TRPC7: variants seen among roughly 807,000 people sequenced by gnomAD.
TRPC7 encodes the protein transient receptor potential cation channel subfamily C member 7.
A neutral mutation model predicts 90.1 loss-of-function variants in TRPC7; 42 were observed. The observed-to-expected ratio is 0.47, with a 90% CI of 0.36 to 0.60. The LOEUF (loss-of-function observed/expected upper bound fraction) is 0.60, where lower values mean the gene tolerates loss of function less well. Ranked by LOEUF, TRPC7 falls within the 20% of genes least tolerant of loss-of-function variation. The probability of loss-of-function intolerance (pLI) is 0.00; values close to 1 mark genes in which losing one functional copy is unlikely to be tolerated. For missense variants in TRPC7, 955 were observed against 1,112.3 expected, an observed-to-expected ratio of 0.86 and a Z score of 2.01; for synonymous variants, 451 against 436.3, an observed-to-expected ratio of 1.03 and a Z score of -0.42.
chr5:136,300,972 C>G (rs926854540), intron 3 of TRPC7, among the ~76,000 whole-genome samples: 10 of 152,174 alleles, frequency 6.6e-5, no homozygotes. Flanking sequence ...TAAAAAACAC[C>G]AATTGCTGTG....
chr5:136,235,859 C>A (rs1755962990), intron 7 of TRPC7, among the ~76,000 whole-genome samples: 2 of 152,178 alleles, frequency 1.3e-5, no homozygotes, highest in Non-Finnish European at 2.9e-5. Flanking sequence ...CTGTGTCAAT[C>A]ACAGGAGATG....
At chr5:136,358,161 A>T (rs1760450839) in intron 1 of TRPC7, among the ~76,000 whole-genome samples, 1 of 152,206 alleles carries the variant, frequency 6.6e-6, no homozygotes, top group African/African-American at 2.4e-5. Flanking sequence ...GAATCCTGTC[A>T]CTTTCTGATG....
chr5:136,266,847 C>T (rs946309412), intron 4 of TRPC7, among the ~76,000 whole-genome samples: 1 of 152,168 alleles, frequency 6.6e-6, no homozygotes, highest in African/African-American at 2.4e-5. Context: ...GGTATTTGTT[C>T]TCAACCTTTC....
chr5:136,232,119 A>G (rs1755837153), intron 7 of TRPC7, among the ~76,000 whole-genome samples: 1 of 152,180 alleles, frequency 6.6e-6, no homozygotes, highest in African/African-American at 2.4e-5. Context: ...CTGTGGTATC[A>G]CTTTTCTCTT....
intron 6 of TRPC7, among the ~76,000 whole-genome samples, chr5:136,249,427 C>T (rs546631218): frequency 1.3e-5 from 2 of 152,224 alleles, no homozygotes; most frequent in East Asian, 3.9e-4. Context: ...GACTAGTAAG[C>T]AGAATAAATT....
chr5:136,335,136 G>A (rs927605072), intron 2 of TRPC7, among the ~76,000 whole-genome samples: 1 of 152,168 alleles, frequency 6.6e-6, no homozygotes, highest in Admixed American at 6.5e-5. Context: ...ACTGAGGCTT[G>A]ACATGATTCC....
At chr5:136,335,696 G>T (rs556522210) in intron 2 of TRPC7, among the ~76,000 whole-genome samples, 1 of 151,828 alleles carries the variant, frequency 6.6e-6, no homozygotes, top group Admixed American at 6.6e-5. Context: ...GAGGTCAGGA[G>T]ATCGAGACCA....
At chr5:136,306,941 C>A (rs1443341852) in intron 3 of TRPC7, among the ~76,000 whole-genome samples, 1 of 152,198 alleles carries the variant, frequency 6.6e-6, no homozygotes, top group Non-Finnish European at 1.5e-5. Context: ...TCGGATTCAG[C>A]CTGCCTGCAC....
At chr5:136,241,587 A>C (rs1756166894) in intron 7 of TRPC7, among the ~76,000 whole-genome samples, 4 of 148,174 alleles carry the variant, frequency 2.7e-5, no homozygotes, top group African/African-American at 2.5e-5. Context: ...ATGTAGTCTC[A>C]CTCTGTCACC....
intron 6 of TRPC7, among the ~76,000 whole-genome samples, chr5:136,248,253 C>T (rs1021122666): frequency 4.6e-5 from 7 of 152,218 alleles, no homozygotes; most frequent in African/African-American, 1.7e-4. Flanking sequence ...GGCCCATCCA[C>T]CTACTGGCCA....
At chr5:136,336,454 T>G (rs1226558406) in intron 2 of TRPC7, among the ~76,000 whole-genome samples, 1 of 152,090 alleles carries the variant, frequency 6.6e-6, no homozygotes, top group Admixed American at 6.5e-5. Context: ...CAGATGTTGT[T>G]TATGAAAATG....
In TRPC7 at chr5:136,289,601, C is replaced by A. The variant is rs537167760; in HGVS notation, c.964-14764G>T. Among the ~76,000 whole-genome samples the A allele has an allele frequency of 3.9e-5, 6 of 152,326 alleles. No individual in the cohort carries two copies. The East Asian group carries it at 1.2e-3, about 29-fold the overall frequency. On this transcript the variant is annotated intron_variant, in intron 3 of 11. Transcript: ENST00000513104. ...GGTGGAAGTGAGGCTGGGGGAGGGG[C>A]GCCTGCCATTGCCCAGGCTTGAGCA...
intron 2 of TRPC7, among the ~76,000 whole-genome samples, chr5:136,330,384 T>C (rs1759463942): frequency 6.6e-6 from 1 of 152,260 alleles, no homozygotes; most frequent in Non-Finnish European, 1.5e-5. Flanking sequence ...ATTTTTGTCT[T>C]ATGGACAGAG....
chr5:136,287,356 G>GGA (rs143202284), intron 3 of TRPC7, among the ~76,000 whole-genome samples: 18,298 of 151,876 alleles, frequency 0.12, 1,149 homozygotes, highest in African/African-American at 0.14. Flanking sequence ...TTGGTGAAGA[G>GGA]GAGTCCTTGG....
chr5:136,336,524 A>G (rs1412501957), intron 2 of TRPC7, among the ~76,000 whole-genome samples: 1 of 150,990 alleles, frequency 6.6e-6, no homozygotes, highest in Non-Finnish European at 1.5e-5. Context: ...TTTTTAATAT[A>G]TATACTTTAA....
At chr5:136,214,134 C>T (rs1755181139) in intron 11 of TRPC7, 1 of 153,142 alleles carries the variant, frequency 6.5e-6, no homozygotes, top group Non-Finnish European at 1.5e-5. Context: ...GAGCTGGCCA[C>T]CTGAGCACGG....
intron 3 of TRPC7, among the ~76,000 whole-genome samples, chr5:136,307,334 T>G (rs916626905): frequency 2.0e-5 from 3 of 152,162 alleles, no homozygotes; most frequent in Non-Finnish European, 4.4e-5. Context: ...GATTCTACTC[T>G]CTACTTCCAT....
intron 2 of TRPC7, among the ~76,000 whole-genome samples, chr5:136,332,404 C>G (rs1193372040): frequency 6.6e-6 from 1 of 152,064 alleles, no homozygotes; most frequent in Non-Finnish European, 1.5e-5. Context: ...GAGGCACTGA[C>G]TGGAGGGCTT....
At chr5:136,293,013 C>T (rs1026095187) in intron 3 of TRPC7, among the ~76,000 whole-genome samples, 25 of 152,218 alleles carry the variant, frequency 1.6e-4, no homozygotes, top group African/African-American at 6.0e-4. Context: ...TAAATGTAAT[C>T]CAGCATATAA....
Sources: gnomAD v4.1 joint callset for allele counts (sites outside exome capture counted in the v4.1 genomes callset) on GRCh38, gnomAD v4.1.1 for gene constraint, MANE v1.5 for transcripts, NCBI Gene and HGNC (gene_info 2026-07-23, HGNC 2026-07-21) for gene names.